The following SIPA1L1 variants were observed in gnomAD, a reference collection of about 807,000 sequenced individuals.
SIPA1L1 encodes signal-induced proliferation-associated 1-like protein 1.
In SIPA1L1, 26 loss-of-function variants were observed where a neutral mutation model predicts 162.7. That is an observed-to-expected ratio of 0.16 (90% CI 0.12 to 0.22). The LOEUF (loss-of-function observed/expected upper bound fraction) is 0.22, where lower values mean the gene tolerates loss of function less well. SIPA1L1 is among the 10% of genes least tolerant of loss of function. The pLI, the probability that SIPA1L1 is intolerant of heterozygous loss-of-function variation, is 1.00. For missense variants in SIPA1L1, 1,874 were observed against 2,241.0 expected (o/e 0.84, Z 3.31); for synonymous variants, 829 against 837.4 (o/e 0.99, Z 0.17).
chr14:71,336,864 A>G (rs2035147852), intron 2 of SIPA1L1, among the ~76,000 whole-genome samples: 1 of 152,068 alleles, frequency 6.6e-6, no homozygotes, highest in Non-Finnish European at 1.5e-5. Flanking sequence ...TCTGTGACCA[A>G]GCTTTATCAT....
chr14:71,711,109 C>T (rs2082846677), intron 17 of SIPA1L1, among the ~76,000 whole-genome samples: 1 of 152,172 alleles, frequency 6.6e-6, no homozygotes, highest in Non-Finnish European at 1.5e-5. Context: ...TACCACATTG[C>T]AGATCTCAAA....
At chr14:71,669,952 A>G (rs917898548) in intron 10 of SIPA1L1, among the ~76,000 whole-genome samples, 47 of 152,286 alleles carry the variant, frequency 3.1e-4, no homozygotes, top group African/African-American at 1.1e-3. Context: ...AACCCTTCCT[A>G]AAGAAAAAAA....
intron 2 of SIPA1L1, among the ~76,000 whole-genome samples, chr14:71,431,025 T>A (rs1286398581): frequency 6.6e-6 from 1 of 152,172 alleles, no homozygotes; most frequent in Non-Finnish European, 1.5e-5. Context: ...AAAAAACTTC[T>A]TGAGAACAAA....
intron 2 of SIPA1L1, among the ~76,000 whole-genome samples, chr14:71,361,353 T>C (rs948573283): frequency 3.3e-5 from 5 of 152,164 alleles, no homozygotes; most frequent in Admixed American, 6.5e-5. Flanking sequence ...CTTTTTTGGC[T>C]CTACAAGCTT....
intron 8 of SIPA1L1, among the ~76,000 whole-genome samples, chr14:71,652,067 A>G (rs905864708): frequency 6.6e-6 from 1 of 151,628 alleles, no homozygotes. Flanking sequence ...GAAGGATTCA[A>G]AGAATCCTTC....
At chr14:71,732,429 G>A (rs1224532695) in intron 20 of SIPA1L1, among the ~76,000 whole-genome samples, 1 of 152,066 alleles carries the variant, frequency 6.6e-6, no homozygotes, top group Non-Finnish European at 1.5e-5. Flanking sequence ...CCTACTGAGG[G>A]CATTTCTATG....
chr14:71,618,346 C>G (rs1371303097), intron 5 of SIPA1L1, among the ~76,000 whole-genome samples: 3 of 152,232 alleles, frequency 2.0e-5, no homozygotes, highest in African/African-American at 7.2e-5. Flanking sequence ...TGGAATCCCC[C>G]TTTCTTCAAA....
At chr14:71,365,364 C>T (rs1348257960) in intron 2 of SIPA1L1, among the ~76,000 whole-genome samples, 1 of 152,086 alleles carries the variant, frequency 6.6e-6, no homozygotes, top group Non-Finnish European at 1.5e-5. Context: ...CTGTGCCCCA[C>T]TGTCGATAAT....
At chr14:71,548,455 A>G (rs1469391699) in intron 4 of SIPA1L1, among the ~76,000 whole-genome samples, 1 of 152,156 alleles carries the variant, frequency 6.6e-6, no homozygotes, top group Admixed American at 6.5e-5. Flanking sequence ...TATCAGATAA[A>G]ATCAGTGTGC....
chr14:71,393,965 G>C (rs920274963), intron 2 of SIPA1L1, among the ~76,000 whole-genome samples: 3 of 152,214 alleles, frequency 2.0e-5, no homozygotes, highest in African/African-American at 7.2e-5. Flanking sequence ...TTGTTAACAA[G>C]CAATGAGAGG....
At chr14:71,524,177 C>T (rs2052633692) in intron 3 of SIPA1L1, among the ~76,000 whole-genome samples, 1 of 152,060 alleles carries the variant, frequency 6.6e-6, no homozygotes, top group African/African-American at 2.4e-5. Context: ...ATAGTGATAC[C>T]GCTGATTCAA....
At chr14:71,700,508 A>G (rs903422728) in intron 14 of SIPA1L1, among the ~76,000 whole-genome samples, 3 of 152,268 alleles carry the variant, frequency 2.0e-5, no homozygotes, top group Non-Finnish European at 2.9e-5. Context: ...CTTAGGGAGG[A>G]GATGGCAAAA....
chr14:71,652,208 A>G (rs1220326979), intron 8 of SIPA1L1, among the ~76,000 whole-genome samples: 1 of 152,230 alleles, frequency 6.6e-6, no homozygotes, highest in Admixed American at 6.5e-5. Context: ...GGCAAAAACT[A>G]GAGTCTATTC....
At chr14:71,354,337 T>C (rs934617248) in intron 2 of SIPA1L1, among the ~76,000 whole-genome samples, 20 of 150,962 alleles carry the variant, frequency 1.3e-4, no homozygotes, top group African/African-American at 4.6e-4. Context: ...TGGAGTGCAG[T>C]GGCCATCTTG....
chr14:71,427,633 A>C (rs758426220), intron 2 of SIPA1L1, among the ~76,000 whole-genome samples: 1 of 151,996 alleles, frequency 6.6e-6, no homozygotes, highest in Non-Finnish European at 1.5e-5. Context: ...CTCAGACTTG[A>C]TCATTTTCAT....
At chr14:71,577,263 T>C (rs2033196659) in intron 4 of SIPA1L1, among the ~76,000 whole-genome samples, 1 of 152,100 alleles carries the variant, frequency 6.6e-6, no homozygotes, top group Non-Finnish European at 1.5e-5. Context: ...GCAGAAGTGG[T>C]ACACAGGCTA....
intron 2 of SIPA1L1, among the ~76,000 whole-genome samples, chr14:71,455,909 A>G (rs948287276): frequency 6.6e-6 from 1 of 152,174 alleles, no homozygotes; most frequent in Non-Finnish European, 1.5e-5. Context: ...CTTGTTTAAT[A>G]TACTTTTGGT....
intron 7 of SIPA1L1, among the ~76,000 whole-genome samples, chr14:71,628,222 A>C (rs1423119150): frequency 6.6e-6 from 1 of 152,224 alleles, no homozygotes; most frequent in African/African-American, 2.4e-5. Flanking sequence ...GATACTTTTA[A>C]ATTTGCCATA....
At chr14:71,401,181 C>T (rs1218214085) in intron 2 of SIPA1L1, among the ~76,000 whole-genome samples, 2 of 152,120 alleles carry the variant, frequency 1.3e-5, no homozygotes, top group Non-Finnish European at 2.9e-5. Flanking sequence ...GTTCAGATTA[C>T]TGTTAATCTG....
Sources: gnomAD v4.1 joint callset for allele counts (sites outside exome capture counted in the v4.1 genomes callset) on GRCh38, gnomAD v4.1.1 for gene constraint, MANE v1.5 for transcripts, NCBI Gene and HGNC (gene_info 2026-07-23, HGNC 2026-07-21) for gene names.